Variants in ATN1 observed in about 807,000 individuals in gnomAD.
ATN1 encodes the protein atrophin 1.
A neutral mutation model predicts 85.8 loss-of-function variants in ATN1; 19 were observed. The ratio of observed to expected loss-of-function variants is 0.22; its 90% confidence interval spans 0.15 to 0.32. The LOEUF is 0.32. Among genes scored for constraint, ATN1 ranks in the 10% least tolerant of loss-of-function variants. The pLI is 1.00. For synonymous variants in ATN1, 674 were observed against 657.0 expected, an observed-to-expected ratio of 1.03 and a Z score of -0.39; for missense variants, 1,453 against 1,564.5, an observed-to-expected ratio of 0.93 and a Z score of 1.20.
In ATN1 at chr12:6,936,482, GCCC is replaced by G. The variant is rs1202683976; in HGVS notation, c.1216_1218del (p.Pro406del). The G allele has an allele frequency of 6.5e-7, 1 of 1,542,896 alleles. No individual in the cohort carries two copies. The highest frequency in any genetic ancestry group is 1.6e-5 in the African/African-American group (1 of 61,074). On this transcript the variant is annotated inframe_deletion, in exon 5 of 10. Coordinates refer to ENST00000396684, the MANE Select transcript of ATN1 (RefSeq NM_001940.4). ...CCCCCTTCCCAGCTTCCCAGGCATT[GCCC>G]AGCTACCCCCACTCTTTCCCTCCCC...
chr12:6,928,035 A>C lies in ATN1; in HGVS notation c.-512A>C, dbSNP rs1945416391. 7.4e-6 allele frequency among the ~76,000 whole-genome samples: 1 copy of C among 135,340 alleles called. No homozygotes were observed. The highest frequency in any genetic ancestry group is 2.7e-5 in the African/African-American group (1 of 37,288). The allele number at this position is 135,340 out of a possible 152,430, so 88.8% of individuals were successfully genotyped here. ...CGGGCGCGGGCGGCGGCGGGTCGGAACCGCGCCGAGGGCCGGGCGGGCCGC... is the reference window on the plus strand; with the variant it reads ...CGGGCGCGGGCGGCGGCGGGTCGGACCCGCGCCGAGGGCCGGGCGGGCCGC... On this transcript the variant is annotated 5_prime_UTR_variant, in exon 1 of 10. Coordinates refer to ENST00000396684, the MANE Select transcript of ATN1 (RefSeq NM_001940.4).
rs1945418565 is a variant in ATN1 at position 6,928,103 on chromosome 12, C to T, written c.-444C>T. On this transcript the variant is annotated 5_prime_UTR_variant, in exon 1 of 10. Transcript: ENST00000396684. ...CGGGGGCGGGCGGCGCGGCCCGGGG[C>T]ATTCCGGGCGGCCAGGGGGAGGCGG... Among the ~76,000 whole-genome samples the T allele has an allele frequency of 7.1e-6, 1 of 140,214 alleles. No individual in the cohort carries two copies. The highest frequency in any genetic ancestry group is 1.6e-5 in the Non-Finnish European group (1 of 63,894). 92.0% of individuals were successfully genotyped at this position (140,214 alleles called of 152,430 possible).
Position 6,939,001 on chromosome 12 carries a change from C to G in ATN1, c.3038C>G (p.Pro1013Arg). 6.2e-7 allele frequency: 1 copy of G among 1,612,552 alleles called. No homozygotes were observed. Among genetic ancestry groups the G allele is most frequent in the Non-Finnish European group, 8.5e-7 (1 of 1,179,996 alleles). ...LALAAGPALR[P>R]DMSYAERLAA... ...CTGGCAGCTGGGCCAGCCCTGCGGCCTGACATGTCCTATGCTGAGCGGCTG... is the reference window on the plus strand; with the variant it reads ...CTGGCAGCTGGGCCAGCCCTGCGGCGTGACATGTCCTATGCTGAGCGGCTG... Residue 1013 changes from proline (P) to arginine (R), a missense_variant, in exon 7 of 10, where the codon CCT becomes CGT. Pro to Arg is a moderately radical substitution (Grantham distance 103). Around this residue, in one of 6 missense-constraint regions of ATN1, gnomAD observed 208 missense variants for 263.4 expected, o/e 0.79. Transcript: ENST00000396684.
At position 6,936,138 on chromosome 12, in the gene ATN1, C is replaced by A; in HGVS notation, c.871C>A (p.Pro291Thr). The A allele has an allele frequency of 6.5e-7, 1 of 1,532,594 alleles. No homozygotes were observed. Among genetic ancestry groups the A allele is most frequent in the Non-Finnish European group, 8.8e-7 (1 of 1,140,770 alleles). The allele number at this position is 1,532,594 out of a possible 1,614,324, so 94.9% of individuals were successfully genotyped here. The change falls in exon 5 of 10, where the codon CCA (proline) becomes ACA (threonine). Residue 291 changes from proline to threonine, a missense_variant. Pro to Thr is a conservative substitution (Grantham distance 38, BLOSUM62 -1). Transcript: ENST00000396684. ...TGGGAACCTACCTTCTGCTCCACCA[C>A]CAGCCAACTTCCCCCATGTGACACC... is the stretch of plus-strand genomic sequence containing the variant. ...GGGNLPSAPP[P>T]ANFPHVTPNL...
At position 6,938,469 on chromosome 12, in the gene ATN1, TG is replaced by T; in HGVS notation, c.2518-11del. 1 of 1,594,312 alleles carries T rather than the reference TG, an allele frequency of 6.3e-7. No homozygotes were observed. Among genetic ancestry groups the T allele is most frequent in the Non-Finnish European group, 8.6e-7 (1 of 1,165,714 alleles). On this transcript the variant is annotated splice_polypyrimidine_tract_variant and intron_variant, in intron 6 of 9. Transcript: ENST00000396684. ...CTGCCGCTTTGACTCCACTTTTCCC[TG>T]TATCCCACAGAAGTTGGCTCAGGAG...
chr12:6,938,106 T>C, intron 6 of ATN1, 39 bp downstream of exon 6: 2 of 1,517,318 alleles, frequency 1.3e-6, no homozygotes, highest in Non-Finnish European at 1.8e-6. Context: ...CTTCTTTCCC[T>C]CTTTCCTTCC....
rs887636115 is a variant in ATN1, at chr12:6,940,771, C to T, written c.3215-109C>T. The T allele has an allele frequency of 1.9e-5, 26 of 1,390,236 alleles. No homozygotes were observed. In the East Asian group the frequency reaches 5.5e-4, roughly 29 times the overall value. The allele number at this position is 1,390,236 out of a possible 1,614,324, so 86.1% of individuals were successfully genotyped here. On this transcript the variant is annotated intron_variant, in intron 7 of 9. Transcript: ENST00000396684. ...ACTCTGCCTTTGTTCCACTTTGGAC[C>T]TCCTTGTGTTTGTCTGACTCAGTTC...
chr12:6,925,141 T>TGTGTGTGTGAGA (rs1445451270), upstream of ATN1, among the ~76,000 whole-genome samples: 2 of 147,662 alleles, frequency 1.4e-5, no homozygotes, highest in African/African-American at 5.1e-5. Context: ...TGTGTGTGTG[T>TGTGTGTGTGAGA]GAGAGAGAGA....
Position 6,936,783 on chromosome 12 carries a change from A to C in ATN1, c.1516A>C (p.Asn506His). Residue 506 changes from asparagine to histidine, a missense_variant, in exon 5 of 10, where the codon AAC becomes CAC. This residue lies in a region of ATN1 where 990 missense variants were observed against 914.8 expected (regional missense o/e 1.08). Transcript: ENST00000396684. ...GCAGCAGCAGCAGCAGCATCACGGA[A>C]ACTCTGGGCCCCCTCCTCCTGGAGC... ...QQQQQQQHHG[N>H]SGPPPPGAFP... is the part of the protein sequence containing the mutation. The C allele has an allele frequency of 1.3e-6, 2 of 1,580,094 alleles. No homozygotes were observed. Among genetic ancestry groups the C allele is most frequent in the Non-Finnish European group, 1.7e-6 (2 of 1,162,486 alleles).
At chr12:6,927,613 C>T (rs1031535234), upstream of ATN1, among the ~76,000 whole-genome samples, 1 of 151,054 alleles carries the variant, frequency 6.6e-6, no homozygotes, top group African/African-American at 2.4e-5. Context: ...CGGCCTCGGC[C>T]TCGGCCAACT....
Position 6,934,239 on chromosome 12 carries a change from G to C in ATN1, c.91G>C (p.Gly31Arg). Residue 31 changes from glycine (G) to arginine (R), a missense_variant, in exon 3 of 10, where the codon GGC becomes CGC. Physicochemically the swap from Gly to Arg is moderately radical, Grantham distance 125. This residue lies in a region of ATN1 where 130 missense variants were observed against 158.2 expected (regional missense o/e 0.82). Coordinates refer to ENST00000396684, the MANE Select transcript of ATN1 (RefSeq NM_001940.4). This position sits in a 1 kb window ranked among gnomAD's most constrained non-coding sequence, Gnocchi z 4.5. Reference sequence around the variant, plus strand: ...GCCCCGGGAAGAACTGAGATCGAGGGGCCGGGCCTCCCCTGGAGGGGTCAG... The same window carrying C: ...GCCCCGGGAAGAACTGAGATCGAGGCGCCGGGCCTCCCCTGGAGGGGTCAG... ...PGPREELRSRGRASPGGVSTS... is the reference protein window; with the variant it reads ...PGPREELRSRRRASPGGVSTS... 1 of 1,587,862 alleles carries C rather than the reference G, an allele frequency of 6.3e-7. No homozygotes were observed. Among genetic ancestry groups the C allele is most frequent in the Non-Finnish European group, 8.5e-7 (1 of 1,173,726 alleles).
In ATN1 at chr12:6,937,866, C is replaced by T. The variant is rs1414687203; in HGVS notation, c.2316C>T (p.Arg772=). 10 of 1,583,352 alleles carry T rather than the reference C, an allele frequency of 6.3e-6. No homozygotes were observed. The Admixed American group carries it at 1.2e-4, about 20-fold the overall frequency. The change falls in exon 6 of 10, where the codon CGC becomes CGT. Residue 772 remains arginine (R), a synonymous_variant. Transcript: ENST00000396684. This position sits in a 1 kb window ranked among gnomAD's most constrained non-coding sequence, Gnocchi z 6.0. The part of the protein sequence containing the change: ...QSARFNKHLD[R]GFNSCARSDL... ...GCAGGTTCAACAAACACCTGGATCG[C>T]GGCTTCAACTCGTGCGCGCGCAGCG...
Position 6,936,424 on chromosome 12 carries a change from C to T in ATN1, c.1157C>T (p.Ser386Phe). 1 of 1,613,054 alleles carries T rather than the reference C, an allele frequency of 6.2e-7. No individual in the cohort carries two copies. The highest frequency in any genetic ancestry group is 8.5e-7 in the Non-Finnish European group (1 of 1,179,846). ...TCTAGTAGTAGCTCTGCAGCAGCCT[C>T]CTCTTCCAGTTCTTCCTCCTCTTCC... ...SSSSSSSAAA[S>F]SSSSSSSSSA... is the part of the protein sequence containing the mutation. Residue 386 changes from serine (S) to phenylalanine (F), a missense_variant, in exon 5 of 10, where the codon TCC (serine) becomes TTC (phenylalanine). By Grantham distance (155) the Ser-to-Phe change is radical. Coordinates refer to ENST00000396684, the MANE Select transcript of ATN1 (RefSeq NM_001940.4).
rs782224135 is a variant in ATN1, at chr12:6,938,031, CGAGCGCGAGAAG to C, written c.2491_2502del (p.Lys831_Glu834del). On this transcript the variant is annotated inframe_deletion, in exon 6 of 10. Transcript: ENST00000396684. ...GCGAGCGGGAACGCGAGAAAGAGCG[CGAGCGCGAGAAG>C]GAGCGCGAGCTTGAACGCAGCGTGG... 6.2e-5 allele frequency: 96 copies of C among 1,545,368 alleles called. 1 individual carries two copies. Among genetic ancestry groups the C allele is most frequent in the Admixed American group, 2.6e-4 (13 of 50,532 alleles).
intron 7 of ATN1, 108 bp downstream of exon 7, chr12:6,939,285 A>C: frequency 7.0e-7 from 1 of 1,418,836 alleles, no homozygotes; most frequent in South Asian, 1.4e-5. Flanking sequence ...GCCTGGCATG[A>C]ACCTTTCCTG....
At chr12:6,929,528 C>T (rs2138201749) in intron 1 of ATN1, among the ~76,000 whole-genome samples, 1 of 152,208 alleles carries the variant, frequency 6.6e-6, no homozygotes, top group African/African-American at 2.4e-5. Flanking sequence ...TGGTAGTGAT[C>T]CAGTGGGATG....
In ATN1 at chr12:6,935,803, C is replaced by T. The variant is rs115226639; in HGVS notation, c.536C>T (p.Pro179Leu). 577 of 1,613,936 alleles carry T rather than the reference C, an allele frequency of 3.6e-4. 1 individual carries two copies. The African/African-American group carries it at 6.6e-3, about 18-fold the overall frequency. The part of the protein sequence containing the change: ...PQPPDSTPRQ[P>L]EASFEPHPSV... ...CCGCCAGACAGCACCCCTCGACAGCCAGAGGCTAGCTTTGAACCCCATCCT... is the reference window on the plus strand; with the variant it reads ...CCGCCAGACAGCACCCCTCGACAGCTAGAGGCTAGCTTTGAACCCCATCCT... The change falls in exon 5 of 10, where the codon CCA becomes CTA. Residue 179 changes from proline (P) to leucine (L), a missense_variant. Physicochemically the swap from Pro to Leu is moderately conservative, Grantham distance 98. Coordinates refer to ENST00000396684, the MANE Select transcript of ATN1 (RefSeq NM_001940.4). The surrounding 1 kb of genome is among the most constrained non-coding windows in gnomAD (Gnocchi z 5.3).
At chr12:6,939,411 T>C (rs1945603727) in intron 7 of ATN1, among the ~76,000 whole-genome samples, 1 of 152,226 alleles carries the variant, frequency 6.6e-6, no homozygotes, top group Non-Finnish European at 1.5e-5. Context: ...TAGTCTAGTA[T>C]CCTTCCCATG....
intron 1 of ATN1, among the ~76,000 whole-genome samples, chr12:6,929,253 ACCTCCAC>A (rs782427494): frequency 4.9e-4 from 74 of 150,830 alleles, no homozygotes; most frequent in Non-Finnish European, 6.9e-4. Context: ...GCAAGTTGCG[ACCTCCAC>A]CCTCCACCCT....
Sources: allele counts gnomAD v4.1 joint callset (sites outside exome capture counted in the v4.1 genomes callset), GRCh38; gene constraint gnomAD v4.1.1; regional missense constraint gnomAD v4.1.1; non-coding constraint Gnocchi (gnomAD v3.1); transcripts MANE v1.5; gene names NCBI Gene and HGNC (gene_info 2026-07-23, HGNC 2026-07-21).